PROM2: variants seen among roughly 807,000 people sequenced by gnomAD.
PROM2 encodes prominin-2.
A neutral mutation model predicts 110.2 loss-of-function variants in PROM2; 90 were observed. The observed-to-expected ratio is 0.82, with a 90% CI of 0.69 to 0.97. The LOEUF (loss-of-function observed/expected upper bound fraction) is 0.97, where lower values mean the gene tolerates loss of function less well. Ranked by LOEUF, PROM2 falls within the 50% of genes least tolerant of loss-of-function variation. The probability of loss-of-function intolerance (pLI) is 0.00; values close to 1 mark genes in which losing one functional copy is unlikely to be tolerated. For synonymous variants in PROM2, 470 were observed against 467.8 expected, an observed-to-expected ratio of 1.00 and a Z score of -0.06; for missense variants, 1,009 against 1,074.8, an observed-to-expected ratio of 0.94 and a Z score of 0.86.
At chr2:95,277,848 C>T in intron 7 of PROM2, 82 bp from the exon 8 acceptor site, 3 of 1,209,784 alleles carry the variant, frequency 2.5e-6, no homozygotes, top group South Asian at 1.3e-5. Flanking sequence ...GTTCAGAGGC[C>T]CCTGCCCCCC....
Position 95,276,467 on chromosome 2 carries a change from G to C in PROM2, c.618+120G>C. 1 of 1,593,806 alleles carries C rather than the reference G, an allele frequency of 6.3e-7. No individual in the cohort carries two copies. Among genetic ancestry groups the C allele is most frequent in the Non-Finnish European group, 8.6e-7 (1 of 1,165,628 alleles). ...GCATCTGAAAGCCGCCTCCTCTCCC[G>C]CCCTTGCCTGAGAGTCGACCACCCT... On this transcript the variant is annotated intron_variant, in intron 4 of 23. Transcript: ENST00000317620. The surrounding 1 kb of genome is among the most constrained non-coding windows in gnomAD (Gnocchi z 4.6).
intron 22 of PROM2, 56 bp from the exon 23 acceptor site, chr2:95,288,877 C>T: frequency 1.9e-6 from 3 of 1,546,316 alleles, no homozygotes; most frequent in Non-Finnish European, 2.7e-6. Context: ...GTCCCTGTGT[C>T]AGGGCTGAGG....
chr2:95,281,497 A>G, intron 12 of PROM2, 132 bp downstream of exon 12: 6 of 1,190,842 alleles, frequency 5.0e-6, no homozygotes, highest in Non-Finnish European at 6.9e-6. Flanking sequence ...TGAGACAGAC[A>G]TGGCCAAGGA....
chr2:95,287,927 G>A (rs1273099672), intron 20 of PROM2, among the ~76,000 whole-genome samples: 3 of 152,208 alleles, frequency 2.0e-5, no homozygotes, highest in East Asian at 3.9e-4. Context: ...ACACACATGT[G>A]TGCTTTCAAG....
At chr2:95,286,308 AT>A (rs1457530861) in intron 16 of PROM2, among the ~76,000 whole-genome samples, 170 bp from the exon 17 acceptor site, 2 of 152,100 alleles carry the variant, frequency 1.3e-5, no homozygotes, top group Admixed American at 1.3e-4. Flanking sequence ...TGAACCTAGA[AT>A]TTGGATCTAG....
intron 17 of PROM2, 71 bp from the exon 18 acceptor site, chr2:95,286,733 C>T (rs1677385877): frequency 2.5e-5 from 28 of 1,117,232 alleles, no homozygotes; most frequent in Non-Finnish European, 3.7e-5. Flanking sequence ...CCACTCCCCT[C>T]CACTTTCCTC....
chr2:95,279,716 T>A (rs1376828249), intron 10 of PROM2, 129 bp from the exon 11 acceptor site: 2 of 670,872 alleles, frequency 3.0e-6, no homozygotes, highest in Non-Finnish European at 4.4e-6. Context: ...TCAGGAAGAG[T>A]CTGTATCTGC....
chr2:95,286,774 C>G lies in PROM2; in HGVS notation c.2041-30C>G, dbSNP rs200129687. 281 of 1,609,982 alleles carry G rather than the reference C, an allele frequency of 1.7e-4. 3 individuals are homozygous for G. In the East Asian group the frequency reaches 5.3e-3, roughly 31 times the overall value. On this transcript the variant is annotated intron_variant, in intron 17 of 23. Transcript: ENST00000317620. ...TCCTCCCTCCCCTTCCCTTGCACTC[C>G]CCTAACCAGCCCTGATCTCTTCTCC...
chr2:95,279,646 C>T (rs1476939803), intron 10 of PROM2, among the ~76,000 whole-genome samples, 199 bp from the exon 11 acceptor site: 1 of 152,136 alleles, frequency 6.6e-6, no homozygotes, highest in Non-Finnish European at 1.5e-5. Context: ...CCTCCAAGTC[C>T]CTATGAGGCT....
rs544302871 is a variant in PROM2 at position 95,281,029 on chromosome 2, G to A, written c.1428-213G>A. Among the ~76,000 whole-genome samples, 138 of 152,316 alleles carry A rather than the reference G, an allele frequency of 9.1e-4. 1 individual carries two copies. Among genetic ancestry groups the A allele is most frequent in the African/African-American group, 3.2e-3 (135 of 41,570 alleles). On this transcript the variant is annotated intron_variant, in intron 11 of 23. Transcript: ENST00000317620. ...CCAGCCAGGGAACCAGGAACAGGGT[G>A]GGGATGAGGTGAAGGTGAGGCCGGG...
In PROM2 at chr2:95,274,594, C is replaced by T; in HGVS notation, c.9C>T (p.His3=). 6.3e-7 allele frequency: 1 copy of T among 1,587,576 alleles called. No homozygotes were observed. Among genetic ancestry groups the T allele is most frequent in the East Asian group, 2.3e-5 (1 of 44,326 alleles). ...CTTACCTTCCTGACCCCATGAAGCACACACTGGCTCTGCTGGCTCCCCTGC... is the reference window on the plus strand; with the variant it reads ...CTTACCTTCCTGACCCCATGAAGCATACACTGGCTCTGCTGGCTCCCCTGC... MK[H]TLALLAPLLG... The change falls in exon 1 of 24, where the codon CAC becomes CAT. Residue 3 remains histidine, a synonymous_variant. Coordinates refer to ENST00000317620, the MANE Select transcript of PROM2 (RefSeq NM_001165978.3).
rs375545886 is a variant in PROM2, at chr2:95,274,800, C to A, written c.215C>A (p.Ser72Ter). ...SLYGTVRRFLSVVQLNPFPSE... is the reference protein window; with the variant it reads ...SLYGTVRRFL ...TATGGCACCGTGCGCCGCTTCCTCT[C>A]GGTGGTGCAGCTCAATCCTTTCCCT... is the stretch of plus-strand genomic sequence containing the variant. Residue 72 changes from serine to a stop codon, truncating the protein, a stop_gained, in exon 1 of 24, where the codon TCG (serine) becomes TAG (stop). Transcript: ENST00000317620. LOFTEE classifies it high-confidence loss of function. 6.2e-7 allele frequency: 1 copy of A among 1,601,866 alleles called. No individual in the cohort carries two copies. Among genetic ancestry groups the A allele is most frequent in the Non-Finnish European group, 8.5e-7 (1 of 1,175,162 alleles).
rs746622794 is a variant in PROM2 at position 95,276,690 on chromosome 2, C to T, written c.682+33C>T. On this transcript the variant is annotated intron_variant, in intron 5 of 23. Coordinates refer to ENST00000317620, the MANE Select transcript of PROM2 (RefSeq NM_001165978.3). The surrounding 1 kb of genome is among the most constrained non-coding windows in gnomAD (Gnocchi z 4.6). Reference sequence around the variant, plus strand: ...TCTCGGGGACTGGCAGGTGGGCTGGCTCCTTCCAGGGCCCCTGCTCGGGTG... The same window carrying T: ...TCTCGGGGACTGGCAGGTGGGCTGGTTCCTTCCAGGGCCCCTGCTCGGGTG... 2 of 1,609,920 alleles carry T rather than the reference C, an allele frequency of 1.2e-6. No individual in the cohort carries two copies. Among genetic ancestry groups the T allele is most frequent in the Non-Finnish European group, 1.7e-6 (2 of 1,178,172 alleles).
intron 11 of PROM2, 70 bp downstream of exon 11, chr2:95,280,067 A>C: frequency 7.5e-7 from 1 of 1,328,342 alleles, no homozygotes; most frequent in Non-Finnish European, 9.7e-7. Context: ...GCTCCTGAGC[A>C]TAGCTCCCGG....
Position 95,276,535 on chromosome 2 carries a change from A to T in PROM2, c.619-59A>T, listed in dbSNP as rs1676673367. ...GGGCAGGGAAGGGGCCAGGGAGAGA[A>T]GGGCGTAAGGACTGTGGGTGACCAG... On this transcript the variant is annotated intron_variant, in intron 4 of 23. Coordinates refer to ENST00000317620, the MANE Select transcript of PROM2 (RefSeq NM_001165978.3). The surrounding 1 kb of genome is among the most constrained non-coding windows in gnomAD (Gnocchi z 4.6). The T allele has an allele frequency of 6.2e-7, 1 of 1,611,104 alleles. No individual in the cohort carries two copies. Among genetic ancestry groups the T allele is most frequent in the Non-Finnish European group, 8.5e-7 (1 of 1,177,510 alleles).
intron 22 of PROM2, 94 bp from the exon 23 acceptor site, chr2:95,288,839 G>A (rs1033894769): frequency 3.6e-5 from 47 of 1,308,714 alleles, no homozygotes; most frequent in South Asian, 7.1e-5. Context: ...CAGGGCTTCC[G>A]AGGAGAAACC....
In PROM2 at chr2:95,286,570, T is replaced by C. The variant is rs1193643049; in HGVS notation, c.2039T>C (p.Val680Ala). ...QEKVVPQQSL[V>A]AKLNLSVRAL... ...AAGGTCGTCCCCCAGCAGAGCCTTG[T>C]GGTCAGTTTGGAGGCCCGGGGAGCC... The change falls in exon 17 of 24, where the codon GTG becomes GCG. Residue 680 changes from valine to alanine, a missense_variant and splice_region_variant. By Grantham distance (64) the Val-to-Ala change is moderately conservative (BLOSUM62 0). Transcript: ENST00000317620. 1 of 1,612,858 alleles carries C rather than the reference T, an allele frequency of 6.2e-7. No homozygotes were observed. Among genetic ancestry groups the C allele is most frequent in the Non-Finnish European group, 8.5e-7 (1 of 1,179,702 alleles).
rs755530122 is a variant in PROM2 at position 95,276,995 on chromosome 2, G to A, written c.706G>A (p.Ala236Thr). 17 of 1,552,670 alleles carry A rather than the reference G, an allele frequency of 1.1e-5. No homozygotes were observed. The highest frequency in any genetic ancestry group is 7.1e-5 in the South Asian group (6 of 84,160). ...AGGTGTTGGTGTGAGCATTGGGAGCGCGATCCACACTCAGCTCAGGAGCTC... is the reference window on the plus strand; with the variant it reads ...AGGTGTTGGTGTGAGCATTGGGAGCACGATCCACACTCAGCTCAGGAGCTC... ...LDGVGVSIGSAIHTQLRSSVY... is the reference protein window; with the variant it reads ...LDGVGVSIGSTIHTQLRSSVY... The change falls in exon 6 of 24, where the codon GCG becomes ACG. Residue 236 changes from alanine (A) to threonine (T), a missense_variant. Transcript: ENST00000317620. This position sits in a 1 kb window ranked among gnomAD's most constrained non-coding sequence, Gnocchi z 4.6.
At chr2:95,274,997 G>T in intron 1 of PROM2, 168 bp downstream of exon 1, 1 of 828,478 alleles carries the variant, frequency 1.2e-6, no homozygotes, top group Non-Finnish European at 1.8e-6. Context: ...CTGTGTGACT[G>T]TGGGTAAGCC....
Sources: allele counts gnomAD v4.1 joint callset (sites outside exome capture counted in the v4.1 genomes callset), GRCh38; gene constraint gnomAD v4.1.1; non-coding constraint Gnocchi (gnomAD v3.1); transcripts MANE v1.5; gene names NCBI Gene and HGNC (gene_info 2026-07-23, HGNC 2026-07-21).